The following MTHFD1L variants were observed in gnomAD, a reference collection of about 807,000 sequenced individuals.
MTHFD1L encodes the protein monofunctional C1-tetrahydrofolate synthase, mitochondrial.
A neutral mutation model predicts 119.5 loss-of-function variants in MTHFD1L; 81 were observed. The observed-to-expected ratio is 0.68, with a 90% CI of 0.57 to 0.82. The LOEUF (loss-of-function observed/expected upper bound fraction) is 0.82. Among genes scored for constraint, MTHFD1L ranks in the 40% least tolerant of loss-of-function variants. The pLI is 0.00. For synonymous variants in MTHFD1L, 430 were observed against 475.2 expected, an observed-to-expected ratio of 0.90 and a Z score of 1.24; for missense variants, 1,125 against 1,253.4, an observed-to-expected ratio of 0.90 and a Z score of 1.55.
chr6:151,061,262 GC>G (rs1457736816), intron 26 of MTHFD1L, among the ~76,000 whole-genome samples: 4 of 152,162 alleles, frequency 2.6e-5, no homozygotes, highest in African/African-American at 9.7e-5. Context: ...TCAGGCGCAA[GC>G]TTCCAGAGTA....
chr6:150,897,065 C>T (rs181871847), intron 7 of MTHFD1L, among the ~76,000 whole-genome samples: 2 of 151,836 alleles, frequency 1.3e-5, no homozygotes, highest in East Asian at 1.9e-4. Context: ...TGCAGTGAGC[C>T]GAGATCGCGC....
Position 150,956,075 on chromosome 6 carries a change from G to A in MTHFD1L, c.1803+4G>A. 1 of 1,613,190 alleles carries A rather than the reference G, an allele frequency of 6.2e-7. No homozygotes were observed. Among genetic ancestry groups the A allele is most frequent in the Non-Finnish European group, 8.5e-7 (1 of 1,179,124 alleles). On this transcript the variant is annotated splice_donor_region_variant and intron_variant, in intron 17 of 27. Transcript: ENST00000367321. ...AGAGAAGGGCCATTACCGGCAGGTAGGTGGTGCTTTCTTCCCGGGTGTGGC... is the reference window on the plus strand; with the variant it reads ...AGAGAAGGGCCATTACCGGCAGGTAAGTGGTGCTTTCTTCCCGGGTGTGGC...
intron 4 of MTHFD1L, 121 bp downstream of exon 4, chr6:150,877,947 A>G: frequency 8.8e-7 from 1 of 1,137,048 alleles, no homozygotes; most frequent in East Asian, 2.4e-5. Flanking sequence ...TGAATGTTAG[A>G]GGGAAGACTT....
At position 151,039,936 on chromosome 6, in the gene MTHFD1L, ACATACATACATG is replaced by A. The variant is rs1169183988; in HGVS notation, c.2847+2827_2847+2838del. Among the ~76,000 whole-genome samples the A allele has an allele frequency of 4.4e-3, 567 of 127,946 alleles. 1 individual carries two copies. The highest frequency in any genetic ancestry group is 0.016 in the African/African-American group (515 of 31,706). The allele number at this position is 127,946 out of a possible 152,430, so 83.9% of individuals were successfully genotyped here. On this transcript the variant is annotated intron_variant, in intron 26 of 27. Transcript: ENST00000367321. This position sits in a 1 kb window ranked among gnomAD's most constrained non-coding sequence, Gnocchi z 4.4. ...TCTCTAAATACATACATACATACAT[ACATACATACATG>A]CATACATGCATACATGCATACATAG...
intron 16 of MTHFD1L, among the ~76,000 whole-genome samples, chr6:150,955,495 GTTTTTTTTTT>G (rs142879620): frequency 2.6e-5 from 3 of 117,106 alleles, no homozygotes; most frequent in African/African-American, 9.3e-5. Context: ...TGCTGGTTGG[GTTTTTTTTTT>G]TTTTTTTTTT....
At chr6:150,908,443 G>C (rs1276788772) in intron 8 of MTHFD1L, among the ~76,000 whole-genome samples, 2 of 151,534 alleles carry the variant, frequency 1.3e-5, no homozygotes, top group Non-Finnish European at 2.9e-5. Context: ...GGCCAACATG[G>C]TGAAACTCTT....
At chr6:151,086,301 T>C (rs1373016219) in intron 26 of MTHFD1L, among the ~76,000 whole-genome samples, 1 of 152,172 alleles carries the variant, frequency 6.6e-6, no homozygotes, top group African/African-American at 2.4e-5. Context: ...TCTCTCTCTC[T>C]CCTTTCCCCT....
rs74744458 is a variant in MTHFD1L, at chr6:151,080,536, G to A, written c.2848-11931G>A. Among the ~76,000 whole-genome samples the A allele has an allele frequency of 7.5e-4, 114 of 152,312 alleles. 4 individuals carry two copies. In the East Asian group the frequency reaches 0.019, roughly 25 times the overall value. Reference sequence around the variant, plus strand: ...TATAGAAGCCTTTGCAAGTAGCATAGTTAGGAGTCTTTCGGTCCAGGAATT... The same window carrying A: ...TATAGAAGCCTTTGCAAGTAGCATAATTAGGAGTCTTTCGGTCCAGGAATT... On this transcript the variant is annotated intron_variant, in intron 26 of 27. Transcript: ENST00000367321.
chr6:151,090,915 CATCGTTCCATGCGACTGGGTGCA>C (rs1239085639), intron 26 of MTHFD1L, among the ~76,000 whole-genome samples: 10 of 139,962 alleles, frequency 7.1e-5, no homozygotes, highest in Admixed American at 2.2e-4. Context: ...CTGGGTGCAG[CATCGTTCCATGCGACTGGGTGCA>C]GCATCGTTCC....
intron 25 of MTHFD1L, among the ~76,000 whole-genome samples, chr6:151,036,257 TA>T (rs1786147166): frequency 1.3e-5 from 2 of 152,094 alleles, no homozygotes; most frequent in African/African-American, 4.8e-5. Flanking sequence ...TCTCTATTTT[TA>T]TTTTTTTTTT....
chr6:151,052,968 G>A (rs1350984393), intron 26 of MTHFD1L, among the ~76,000 whole-genome samples: 1 of 152,196 alleles, frequency 6.6e-6, no homozygotes, highest in African/African-American at 2.4e-5. Flanking sequence ...ATCGCCCGTC[G>A]TGGGGTGGGT....
At chr6:150,902,927 C>T (rs995624559) in intron 7 of MTHFD1L, among the ~76,000 whole-genome samples, 1 of 152,130 alleles carries the variant, frequency 6.6e-6, no homozygotes, top group Admixed American at 6.6e-5. Flanking sequence ...TGCTATTCTG[C>T]CTGAAAATCT....
At chr6:151,072,962 C>G (rs561678001) in intron 26 of MTHFD1L, among the ~76,000 whole-genome samples, 3 of 151,628 alleles carry the variant, frequency 2.0e-5, no homozygotes, top group African/African-American at 7.3e-5. Context: ...ATGAAAAATA[C>G]ATCACTCAGG....
chr6:151,004,845 G>T lies in MTHFD1L; in HGVS notation c.2126-4974G>T, dbSNP rs529241073. On this transcript the variant is annotated intron_variant, in intron 20 of 27. Transcript: ENST00000367321. ...TAAGTTGAATAGCTGTAACAAAAGG[G>T]AAAGAGATTGCCAAGACAAATAATT... Among the ~76,000 whole-genome samples, 303 of 152,310 alleles carry T rather than the reference G, an allele frequency of 2.0e-3. 2 individuals carry two copies. The highest frequency in any genetic ancestry group is 3.5e-3 in the Non-Finnish European group (238 of 68,022).
chr6:151,016,137 A>G (rs1226588524), intron 24 of MTHFD1L, among the ~76,000 whole-genome samples: 2 of 152,104 alleles, frequency 1.3e-5, no homozygotes, highest in Non-Finnish European at 2.9e-5. Context: ...CATATGACAA[A>G]GTCACATTTC....
chr6:150,991,846 GCTCTC>G (rs1779106534), intron 20 of MTHFD1L, among the ~76,000 whole-genome samples: 1 of 152,186 alleles, frequency 6.6e-6, no homozygotes, highest in South Asian at 2.1e-4. Flanking sequence ...TTTCAGGAAG[GCTCTC>G]CTGAGAAGAT....
intron 21 of MTHFD1L, among the ~76,000 whole-genome samples, chr6:151,012,045 A>AAAAAAAAAAAAAC (rs1158473740): frequency 6.8e-6 from 1 of 147,566 alleles, no homozygotes; most frequent in Non-Finnish European, 1.5e-5. Context: ...AAAAAAAAAA[A>AAAAAAAAAAAAAC]AAAAAACCAG....
chr6:150,934,294 A>G (rs915825067), intron 11 of MTHFD1L, among the ~76,000 whole-genome samples: 5 of 152,208 alleles, frequency 3.3e-5, no homozygotes, highest in Admixed American at 2.6e-4. Context: ...TCTCAGTTTT[A>G]TCTAGTTAAC....
At chr6:150,935,156 G>A in intron 11 of MTHFD1L, 2 of 1,612,868 alleles carry the variant, frequency 1.2e-6, no homozygotes, top group East Asian at 2.2e-5. Context: ...GGTAAGCTTG[G>A]GAAATTCTAA....
Sources: gnomAD v4.1 joint callset for allele counts (sites outside exome capture counted in the v4.1 genomes callset) on GRCh38, gnomAD v4.1.1 for gene constraint, Gnocchi (gnomAD v3.1) non-coding constraint, MANE v1.5 for transcripts, NCBI Gene and HGNC (gene_info 2026-07-23, HGNC 2026-07-21) for gene names.